Variants in DAAM2 observed in about 807,000 individuals in gnomAD.
The protein encoded by DAAM2 is disheveled-associated activator of morphogenesis 2.
In DAAM2, 39 loss-of-function variants were observed where a neutral mutation model predicts 120.7. The observed-to-expected ratio is 0.32, with a 90% CI of 0.25 to 0.42. DAAM2 has a LOEUF of 0.42. DAAM2 is among the 10% of genes least tolerant of loss of function. DAAM2 has a pLI of 1.00. For missense variants in DAAM2, 1,283 were observed against 1,401.7 expected, an observed-to-expected ratio of 0.92 and a Z score of 1.35; for synonymous variants, 488 against 524.9, an observed-to-expected ratio of 0.93 and a Z score of 0.96.
chr6:39,856,509 G>T (rs918660180), intron 2 of DAAM2, 39 bp downstream of exon 2: 8 of 1,378,106 alleles, frequency 5.8e-6, no homozygotes, highest in Non-Finnish European at 7.6e-6. Context: ...ACAATGGGGA[G>T]GAGGGTGGAT....
intron 3 of DAAM2, among the ~76,000 whole-genome samples, chr6:39,864,194 T>TAC (rs1456794677): frequency 6.6e-6 from 1 of 152,168 alleles, no homozygotes; most frequent in Non-Finnish European, 1.5e-5. Context: ...TCACTGAAAG[T>TAC]ACACACACCT....
At chr6:39,847,605 C>T (rs991650655) in intron 1 of DAAM2, among the ~76,000 whole-genome samples, 1 of 152,080 alleles carries the variant, frequency 6.6e-6, no homozygotes, top group African/African-American at 2.4e-5. Context: ...CATAGTCAGC[C>T]CAGGTCCTTG....
At chr6:39,877,273 G>C (rs754513616) in intron 11 of DAAM2, among the ~76,000 whole-genome samples, 1 of 152,218 alleles carries the variant, frequency 6.6e-6, no homozygotes, top group Non-Finnish European at 1.5e-5. Context: ...AACTCTAGGA[G>C]TGCTGGCAGG....
intron 19 of DAAM2, among the ~76,000 whole-genome samples, chr6:39,894,513 T>G (rs1003204034): frequency 7.2e-6 from 1 of 139,240 alleles, no homozygotes; most frequent in Non-Finnish European, 1.6e-5. Flanking sequence ...CCCAGAGCCT[T>G]CTTCATGTCC....
chr6:39,840,497 C>T (rs554312948), intron 1 of DAAM2, among the ~76,000 whole-genome samples: 18 of 152,058 alleles, frequency 1.2e-4, no homozygotes, highest in African/African-American at 4.1e-4. Context: ...CGGGGTGGTC[C>T]GAAGGGGGAA....
chr6:39,868,372 T>C (rs1764514650), intron 6 of DAAM2: 1 of 221,762 alleles, frequency 4.5e-6, no homozygotes, highest in Non-Finnish European at 9.0e-6. Context: ...GCACAGTGCC[T>C]GGCACAGAGT....
chr6:39,841,517 G>A (rs990227661), intron 1 of DAAM2, among the ~76,000 whole-genome samples: 1 of 152,076 alleles, frequency 6.6e-6, no homozygotes, highest in African/African-American at 2.4e-5. Context: ...AGAGCTTGGA[G>A]TTCTCAGGGC....
At position 39,898,947 on chromosome 6, in the gene DAAM2, T is replaced by C. The variant is rs1325684422; in HGVS notation, c.2679+10T>C. ...GAGAGCGGTGGAGGTGGTGAGTACCTTGTCAGTGCCTACCTGGGTGAGGGC... is the reference window on the plus strand; with the variant it reads ...GAGAGCGGTGGAGGTGGTGAGTACCCTGTCAGTGCCTACCTGGGTGAGGGC... On this transcript the variant is annotated intron_variant, in intron 22 of 24. Coordinates refer to ENST00000274867, the MANE Select transcript of DAAM2 (RefSeq NM_001201427.2). The C allele has an allele frequency of 6.2e-7, 1 of 1,606,706 alleles. No homozygotes were observed. The highest frequency in any genetic ancestry group is 8.5e-7 in the Non-Finnish European group (1 of 1,176,092).
intron 10 of DAAM2, among the ~76,000 whole-genome samples, chr6:39,874,751 A>T (rs1440564269): frequency 6.6e-6 from 1 of 152,314 alleles, no homozygotes; most frequent in African/African-American, 2.4e-5. Context: ...AGACTCTATG[A>T]GATCACACAC....
intron 1 of DAAM2, among the ~76,000 whole-genome samples, chr6:39,842,477 T>TA (rs1763382168): frequency 6.6e-6 from 1 of 151,808 alleles, no homozygotes; most frequent in Admixed American, 6.6e-5. Context: ...ACTAAAAATA[T>TA]AAAAAATTTG....
Position 39,895,857 on chromosome 6 carries a change from AGAGC to A in DAAM2, c.2342-954_2342-951del, listed in dbSNP as rs1391927158. 2.2e-4 allele frequency among the ~76,000 whole-genome samples: 34 copies of A among 152,356 alleles called. No homozygotes were observed. In the East Asian group the frequency reaches 5.4e-3, roughly 24 times the overall value. ...TGTATTTCTGGCAAAGATAACATTT[AGAGC>A]ATTGGGGGAAAATGGTTAAGATGCC... On this transcript the variant is annotated intron_variant, in intron 19 of 24. Coordinates refer to ENST00000274867, the MANE Select transcript of DAAM2 (RefSeq NM_001201427.2).
chr6:39,833,884 C>A (rs1207589110), intron 1 of DAAM2, among the ~76,000 whole-genome samples: 1 of 152,198 alleles, frequency 6.6e-6, no homozygotes, highest in East Asian at 1.9e-4. Context: ...CAGGGCTATG[C>A]CTGAATTCTC....
At chr6:39,892,116 G>A (rs1037600776) in intron 19 of DAAM2, among the ~76,000 whole-genome samples, 19 of 152,160 alleles carry the variant, frequency 1.2e-4, no homozygotes, top group African/African-American at 2.4e-5. Flanking sequence ...TTCTGGGCAC[G>A]TTAGTTTAAG....
At chr6:39,892,527 G>A (rs1376468165) in intron 19 of DAAM2, among the ~76,000 whole-genome samples, 3 of 152,184 alleles carry the variant, frequency 2.0e-5, no homozygotes, top group Non-Finnish European at 4.4e-5. Flanking sequence ...GGGGCGTGGA[G>A]TTGTTGGGAG....
At chr6:39,891,892 G>T in intron 19 of DAAM2, 170 bp downstream of exon 19, 1 of 618,778 alleles carries the variant, frequency 1.6e-6, no homozygotes, top group Non-Finnish European at 2.9e-6. Context: ...ATAAAAATAT[G>T]CACTTGCTTA....
At chr6:39,802,796 G>T (rs952287937) in intron 1 of DAAM2, among the ~76,000 whole-genome samples, 8 of 152,164 alleles carry the variant, frequency 5.3e-5, no homozygotes, top group African/African-American at 1.9e-4. Flanking sequence ...CACAATTTTT[G>T]AGGATGTAGC....
intron 1 of DAAM2, among the ~76,000 whole-genome samples, chr6:39,809,391 T>C (rs1762100203): frequency 2.0e-5 from 3 of 152,190 alleles, no homozygotes; most frequent in Non-Finnish European, 1.5e-5. Context: ...CATGTCTCAT[T>C]AAAGTCACGT....
chr6:39,802,538 G>T (rs1761895539), intron 1 of DAAM2, among the ~76,000 whole-genome samples: 1 of 152,146 alleles, frequency 6.6e-6, no homozygotes, highest in Non-Finnish European at 1.5e-5. Flanking sequence ...GATGGTGGTG[G>T]TGGTGGTGAA....
chr6:39,873,447 G>T, intron 10 of DAAM2, 92 bp downstream of exon 10: 1 of 867,868 alleles, frequency 1.2e-6, no homozygotes. Context: ...CCTGGTTTGG[G>T]GAGTCTGACC....
Sources: allele counts gnomAD v4.1 joint callset (sites outside exome capture counted in the v4.1 genomes callset), GRCh38; gene constraint gnomAD v4.1.1; transcripts MANE v1.5; gene names NCBI Gene and HGNC (gene_info 2026-07-23, HGNC 2026-07-21).